The following ADGRB1 variants were observed in gnomAD, a reference collection of about 807,000 sequenced individuals.
The protein encoded by ADGRB1 is brain-specific angiogenesis inhibitor 1.
Under a neutral mutation model 175.7 loss-of-function variants are expected in ADGRB1, and 36 were observed. The observed-to-expected ratio is 0.20, with a 90% CI of 0.16 to 0.27. The LOEUF is 0.27. Ranked by LOEUF, ADGRB1 falls within the 10% of genes least tolerant of loss-of-function variation. The pLI is 1.00. For missense variants in ADGRB1, 1,731 were observed against 2,255.3 expected (o/e 0.77, Z 4.71); for synonymous variants, 1,054 against 979.4 (o/e 1.08, Z -1.42).
chr8:142,526,198 A>T (rs1844174180), intron 23 of ADGRB1, among the ~76,000 whole-genome samples: 1 of 152,170 alleles, frequency 6.6e-6, no homozygotes, highest in African/African-American at 2.4e-5. Flanking sequence ...GACCCCAGGG[A>T]GAGCCAGGAT....
intron 17 of ADGRB1, among the ~76,000 whole-genome samples, chr8:142,491,483 C>T (rs542172796): frequency 2.8e-4 from 43 of 152,320 alleles, no homozygotes; most frequent in African/African-American, 1.0e-3. Flanking sequence ...AAGAGAAGCT[C>T]GCCCAGTCAC....
chr8:142,522,187 C>T (rs1236634513), intron 21 of ADGRB1, 72 bp downstream of exon 21: 4 of 1,549,840 alleles, frequency 2.6e-6, no homozygotes, highest in Non-Finnish European at 2.6e-6. Flanking sequence ...GTCCTGGCAG[C>T]CCCTCCTCTC....
intron 19 of ADGRB1, among the ~76,000 whole-genome samples, chr8:142,519,903 TTGG>T (rs1296967310): frequency 2.8e-5 from 4 of 143,850 alleles, no homozygotes; most frequent in Non-Finnish European, 4.6e-5. Context: ...TGTGTTGGTG[TTGG>T]TGGTGCTGGT....
intron 27 of ADGRB1, among the ~76,000 whole-genome samples, chr8:142,540,628 C>T (rs1057029139): frequency 2.0e-5 from 3 of 152,140 alleles, no homozygotes; most frequent in Non-Finnish European, 4.4e-5. Flanking sequence ...GGCACATAGA[C>T]CCCTCACGTG....
Position 142,511,089 on chromosome 8 carries a change from G to T in ADGRB1, c.2817+16G>T. 7 of 1,105,702 alleles carry T rather than the reference G, an allele frequency of 6.3e-6. No individual in the cohort carries two copies. The highest frequency in any genetic ancestry group is 7.7e-6 in the Non-Finnish European group (7 of 906,380). 68.5% of individuals were successfully genotyped at this position (1,105,702 alleles called of 1,614,324 possible). ...CGCCGACGCGGTGAGACCCCGGCCG[G>T]GCCGGCGGGAGGGGCGCCGGGCAGG... On this transcript the variant is annotated intron_variant, in intron 18 of 30. Transcript: ENST00000517894. This position sits in a 1 kb window ranked among gnomAD's most constrained non-coding sequence, Gnocchi z 4.5.
rs1353451973 is a variant in ADGRB1, at chr8:142,455,819, C to A, written c.-220+5715C>A. Among the ~76,000 whole-genome samples, 1 of 152,062 alleles carries A rather than the reference C, an allele frequency of 6.6e-6. No individual in the cohort carries two copies. The highest frequency in any genetic ancestry group is 6.5e-5 in the Admixed American group (1 of 15,278). On this transcript the variant is annotated intron_variant, in intron 1 of 30. Coordinates refer to ENST00000517894, the MANE Select transcript of ADGRB1 (RefSeq NM_001702.3). The surrounding 1 kb of genome is among the most constrained non-coding windows in gnomAD (Gnocchi z 4.9). Reference sequence around the variant, plus strand: ...GGGAAGGAGGCTTCCAAAGCCCACACCCCACCCCCGACCACCGGGCCCTGG... The same window carrying A: ...GGGAAGGAGGCTTCCAAAGCCCACAACCCACCCCCGACCACCGGGCCCTGG...
chr8:142,498,826 C>T (rs78796197), intron 17 of ADGRB1, among the ~76,000 whole-genome samples: 210 of 152,332 alleles, frequency 1.4e-3, no homozygotes, highest in African/African-American at 4.8e-3. Flanking sequence ...AGATGCATGG[C>T]CTGTGACAGC....
intron 1 of ADGRB1, among the ~76,000 whole-genome samples, chr8:142,454,131 T>C (rs1421796304): frequency 6.6e-6 from 1 of 152,084 alleles, no homozygotes; most frequent in Non-Finnish European, 1.5e-5. Context: ...GGGCGCCCCA[T>C]GGGCCGCCAG....
At chr8:142,541,346 A>G (rs1368476242) in intron 27 of ADGRB1, among the ~76,000 whole-genome samples, 1 of 152,092 alleles carries the variant, frequency 6.6e-6, no homozygotes, top group Non-Finnish European at 1.5e-5. Flanking sequence ...AGACAGAATC[A>G]GAGGTGTCTG....
rs1001739924 is a variant in ADGRB1, at chr8:142,543,823, C to T, written c.4557+115C>T. The T allele has an allele frequency of 6.2e-5, 60 of 967,330 alleles. No individual in the cohort carries two copies. Among genetic ancestry groups the T allele is most frequent in the Admixed American group, 2.3e-4 (11 of 47,100 alleles). 59.9% of individuals were successfully genotyped at this position (967,330 alleles called of 1,614,324 possible). On this transcript the variant is annotated intron_variant, in intron 30 of 30. Coordinates refer to ENST00000517894, the MANE Select transcript of ADGRB1 (RefSeq NM_001702.3). This position sits in a 1 kb window ranked among gnomAD's most constrained non-coding sequence, Gnocchi z 4.4. ...CCATCCATCCATCCATCCATTCGTT[C>T]ATTCATTCATTCATTCGCCCATCCC... is the stretch of plus-strand genomic sequence containing the variant.
In ADGRB1 at chr8:142,510,857, G is replaced by C. The variant is rs1312951327; in HGVS notation, c.2676-75G>C. On this transcript the variant is annotated intron_variant, in intron 17 of 30. Coordinates refer to ENST00000517894, the MANE Select transcript of ADGRB1 (RefSeq NM_001702.3). The surrounding 1 kb of genome is among the most constrained non-coding windows in gnomAD (Gnocchi z 6.3). ...GGGCCGGGGCGCGGAGCCGCCGCTC[G>C]GGGGCCGGGGCGCCCGCGTCCCCGC... 4 of 841,826 alleles carry C rather than the reference G, an allele frequency of 4.8e-6. No homozygotes were observed. The highest frequency in any genetic ancestry group is 5.7e-6 in the Non-Finnish European group (4 of 698,330). 52.1% of individuals were successfully genotyped at this position (841,826 alleles called of 1,614,324 possible). A position where few individuals can be genotyped will look rare whatever the true frequency, so the allele number is the denominator to read the frequency against.
chr8:142,539,651 C>T (rs1845147339), intron 27 of ADGRB1: 1 of 589,536 alleles, frequency 1.7e-6, no homozygotes, highest in African/African-American at 1.9e-5. Context: ...TGATCAGAAG[C>T]TTCCAGAACA....
At chr8:142,518,065 T>C in intron 18 of ADGRB1, 73 bp from the exon 19 acceptor site, 1 of 1,459,522 alleles carries the variant, frequency 6.9e-7, no homozygotes, top group Admixed American at 1.7e-5. Flanking sequence ...GGCTCTCGGG[T>C]CTCAGTCTTC....
intron 11 of ADGRB1, 50 bp downstream of exon 11, chr8:142,481,761 G>C: frequency 6.9e-7 from 1 of 1,448,704 alleles, no homozygotes; most frequent in Non-Finnish European, 9.2e-7. Flanking sequence ...AAGGTGTCTG[G>C]GGAGCCCTCC....
rs1422973787 is a variant in ADGRB1, at chr8:142,484,013, G to A, written c.2167G>A (p.Glu723Lys). Residue 723 changes from glutamate (E) to lysine (K), a missense_variant, in exon 12 of 31, where the codon GAG becomes AAG. Physicochemically the swap from Glu to Lys is moderately conservative, Grantham distance 56 (BLOSUM62 1). Transcript: ENST00000517894. ...VQILSNLLAEENRDKWEEAQL... is the reference protein window; with the variant it reads ...VQILSNLLAEKNRDKWEEAQL... ...GATCCTTAGCAACCTGTTGGCAGAG[G>A]AGAATCGGGACAAGTGGGAGGAGGC... 6.2e-7 allele frequency: 1 copy of A among 1,613,106 alleles called. No individual in the cohort carries two copies. Among genetic ancestry groups the A allele is most frequent in the Non-Finnish European group, 8.5e-7 (1 of 1,179,586 alleles).
rs1204594691 is a variant in ADGRB1 at position 142,526,494 on chromosome 8, C to T, written c.3313-48C>T. 4.2e-6 allele frequency: 6 copies of T among 1,415,802 alleles called. No individual in the cohort carries two copies. In the African/African-American group the frequency reaches 8.5e-5, roughly 20 times the overall value. 87.7% of individuals were successfully genotyped at this position (1,415,802 alleles called of 1,614,324 possible). ...GGTCCGGCCAGTGTCAGCCCCTGAG[C>T]CTACGGCGGCCCCCACCCCCACACC... On this transcript the variant is annotated intron_variant, in intron 23 of 30. Transcript: ENST00000517894.
intron 6 of ADGRB1, 94 bp downstream of exon 6, chr8:142,477,643 C>G: frequency 6.9e-7 from 1 of 1,443,216 alleles, no homozygotes; most frequent in Non-Finnish European, 9.2e-7. Context: ...CAGCTTTGCC[C>G]ACTCCAGACC....
Position 142,479,496 on chromosome 8 carries a change from C to T in ADGRB1, c.1726+9C>T, listed in dbSNP as rs746553820. ...CACCCAGCGGTGTCCCGGTGAGGCC[C>T]CTCCTACCTGGGCTGGGCTCTGGGG... On this transcript the variant is annotated intron_variant, in intron 8 of 30. Transcript: ENST00000517894. The T allele has an allele frequency of 1.1e-5, 17 of 1,534,892 alleles. No individual in the cohort carries two copies. Among genetic ancestry groups the T allele is most frequent in the Non-Finnish European group, 1.3e-5 (15 of 1,147,482 alleles).
intron 2 of ADGRB1, among the ~76,000 whole-genome samples, chr8:142,473,749 G>A (rs957079843): frequency 4.6e-5 from 7 of 152,202 alleles, no homozygotes; most frequent in African/African-American, 1.4e-4. Flanking sequence ...GTGGGGGCCT[G>A]GAAGACTCCT....
Sources: allele counts gnomAD v4.1 joint callset (sites outside exome capture counted in the v4.1 genomes callset), GRCh38; gene constraint gnomAD v4.1.1; non-coding constraint Gnocchi (gnomAD v3.1); transcripts MANE v1.5; gene names NCBI Gene and HGNC (gene_info 2026-07-23, HGNC 2026-07-21).